The following SLC35F5 variants were observed in gnomAD, a reference collection of about 807,000 sequenced individuals.
SLC35F5 encodes the protein solute carrier family 35 member F5, also known as HCV NS5A-transactivated protein 3.
A neutral mutation model predicts 68.6 loss-of-function variants in SLC35F5; 54 were observed. That is an observed-to-expected ratio of 0.79 (90% CI 0.63 to 0.99). The LOEUF is 0.99. SLC35F5 is among the 50% of genes least tolerant of loss of function. The pLI, the probability that SLC35F5 is intolerant of heterozygous loss-of-function variation, is 0.00. For missense variants in SLC35F5, 567 were observed against 626.9 expected (o/e 0.90, Z 1.02); for synonymous variants, 211 against 205.2 (o/e 1.03, Z -0.24).
intron 8 of SLC35F5, among the ~76,000 whole-genome samples, chr2:113,735,154 T>G (rs1688037911): frequency 1.3e-5 from 2 of 152,140 alleles, no homozygotes; most frequent in Admixed American, 1.3e-4. Context: ...GGAAAGGATG[T>G]GTGAAGGGAA....
At chr2:113,753,806 A>C (rs189777615) in intron 3 of SLC35F5, among the ~76,000 whole-genome samples, 1 of 152,212 alleles carries the variant, frequency 6.6e-6, no homozygotes, top group African/African-American at 2.4e-5. Flanking sequence ...ATTAACTAAT[A>C]TATAAAAACA....
rs1448646974 is a variant in SLC35F5 at position 113,711,008 on chromosome 2, A to T, written c.*4210T>A. ...AAGTAGCTCTTCAGAAAGACATCTC[A>T]TGTAAAATTAAATTTAAAACTAAAA... On this transcript the variant is annotated 3_prime_UTR_variant, in exon 16 of 16. Coordinates refer to ENST00000245680, the MANE Select transcript of SLC35F5 (RefSeq NM_025181.5). 6.6e-6 allele frequency among the ~76,000 whole-genome samples: 1 copy of T among 152,236 alleles called. No homozygotes were observed. Among genetic ancestry groups the T allele is most frequent in the African/African-American group, 2.4e-5 (1 of 41,464 alleles).
In SLC35F5 at chr2:113,746,663, G is replaced by C. The variant is rs142803956; in HGVS notation, c.418-324C>G. 1.2e-4 allele frequency among the ~76,000 whole-genome samples: 18 copies of C among 152,200 alleles called. No individual in the cohort carries two copies. The East Asian group carries it at 3.5e-3, about 29-fold the overall frequency. ...CAGATAAGTAGGGAAAAGAGGGATG[G>C]GTTAGTTAAAAAGGCAAGTAACAGG... On this transcript the variant is annotated intron_variant, in intron 4 of 15. Transcript: ENST00000245680.
rs562424449 is a variant in SLC35F5, at chr2:113,719,276, A to G, written c.1374T>C (p.Ala458=). Residue 458 remains alanine, a synonymous_variant, in exon 14 of 16, where the codon GCT becomes GCC. Transcript: ENST00000245680. ...TAAAAAATGAAAAAAATACAGGGAT[A>G]GCTCCTGCAAAAAATAACCAAGAAA... ...VQFSWLFFAG[A]IPVFFSFFIV... 6.4e-7 allele frequency: 1 copy of G among 1,572,272 alleles called. No homozygotes were observed. Among genetic ancestry groups the G allele is most frequent in the Non-Finnish European group, 8.5e-7 (1 of 1,170,666 alleles).
At chr2:113,737,455 G>A (rs529663119) in intron 7 of SLC35F5, among the ~76,000 whole-genome samples, 14 of 152,310 alleles carry the variant, frequency 9.2e-5, no homozygotes, top group Non-Finnish European at 1.9e-4. Context: ...TATATGGCAA[G>A]AGAAGCCACA....
chr2:113,750,778 G>A (rs1379465401), intron 3 of SLC35F5, among the ~76,000 whole-genome samples: 1 of 152,228 alleles, frequency 6.6e-6, no homozygotes, highest in Non-Finnish European at 1.5e-5. Flanking sequence ...AGCAGCAACA[G>A]CTGCTAAAAG....
rs1004897541 is a variant in SLC35F5, at chr2:113,723,199, A to C, written c.1251-5T>G. On this transcript the variant is annotated splice_polypyrimidine_tract_variant and splice_region_variant and intron_variant, in intron 12 of 15. Transcript: ENST00000245680. ...GATGAGGTAAGAAAGCAGCCCCTAA[A>C]AAAAAGAAAATATACATTTCTATAT... The C allele has an allele frequency of 3.2e-6, 5 of 1,566,350 alleles. No homozygotes were observed. Among genetic ancestry groups the C allele is most frequent in the Middle Eastern group, 3.8e-4 (2 of 5,206 alleles).
intron 11 of SLC35F5, among the ~76,000 whole-genome samples, chr2:113,727,568 C>T (rs983292933): frequency 1.3e-5 from 2 of 152,168 alleles, no homozygotes; most frequent in African/African-American, 4.8e-5. Context: ...CACCTATTCC[C>T]TCGACTGCCC....
In SLC35F5 at chr2:113,750,379, G is replaced by C. The variant is rs180910421; in HGVS notation, c.417+46C>G. ...ATACATCTTTAAACTTTGAAAAAACGTATCTATACCCCCTTCCTAACAGAC... is the reference window on the plus strand; with the variant it reads ...ATACATCTTTAAACTTTGAAAAAACCTATCTATACCCCCTTCCTAACAGAC... On this transcript the variant is annotated intron_variant, in intron 4 of 15. Coordinates refer to ENST00000245680, the MANE Select transcript of SLC35F5 (RefSeq NM_025181.5). 9.0e-5 allele frequency: 133 copies of C among 1,477,580 alleles called. No individual in the cohort carries two copies. The East Asian group carries it at 2.9e-3, about 32-fold the overall frequency. The allele number at this position is 1,477,580 out of a possible 1,614,324, so 91.5% of individuals were successfully genotyped here. A position where few individuals can be genotyped will look rare whatever the true frequency, so the allele number is the denominator to read the frequency against.
intron 13 of SLC35F5, among the ~76,000 whole-genome samples, chr2:113,719,907 A>C (rs1346120913): frequency 6.6e-6 from 1 of 152,066 alleles, no homozygotes; most frequent in Non-Finnish European, 1.5e-5. Context: ...ATTTTTACTA[A>C]GGAATGTTAG....
At chr2:113,734,335 T>C (rs556162115) in intron 9 of SLC35F5, among the ~76,000 whole-genome samples, 13 of 152,300 alleles carry the variant, frequency 8.5e-5, no homozygotes, top group African/African-American at 2.9e-4. Flanking sequence ...GTCCAATACT[T>C]GATGAGTCTG....
downstream of SLC35F5, among the ~76,000 whole-genome samples, chr2:113,706,373 TG>T (rs1285327462): frequency 1.3e-5 from 2 of 152,182 alleles, no homozygotes; most frequent in Admixed American, 6.5e-5. Flanking sequence ...GTGCTTCCTC[TG>T]GGTGACCCTG....
At chr2:113,728,593 T>G (rs1559333000) in intron 11 of SLC35F5, among the ~76,000 whole-genome samples, 1 of 152,216 alleles carries the variant, frequency 6.6e-6, no homozygotes, top group Non-Finnish European at 1.5e-5. Context: ...ACCTATTCCC[T>G]AAATCACAGT....
At chr2:113,735,907 A>G in intron 7 of SLC35F5, 49 bp from the exon 8 acceptor site, 1 of 1,139,598 alleles carries the variant, frequency 8.8e-7, no homozygotes, top group Non-Finnish European at 1.3e-6. Context: ...ACATGTTTAC[A>G]TCTGTCATTA....
At position 113,707,168 on chromosome 2, in the gene SLC35F5, T is replaced by G. The variant is rs914209288; in HGVS notation, c.*8050A>C. 6.9e-6 allele frequency among the ~76,000 whole-genome samples: 1 copy of G among 144,916 alleles called. No homozygotes were observed. Among genetic ancestry groups the G allele is most frequent in the Non-Finnish European group, 1.6e-5 (1 of 64,144 alleles). Reference sequence around the variant, plus strand: ...CAAGAAAAACATTTCTAAAACATTGTTTCCATAACTCATTATAAATATTTC... The same window carrying G: ...CAAGAAAAACATTTCTAAAACATTGGTTCCATAACTCATTATAAATATTTC... On this transcript the variant is annotated 3_prime_UTR_variant, in exon 16 of 16. Coordinates refer to ENST00000245680, the MANE Select transcript of SLC35F5 (RefSeq NM_025181.5).
chr2:113,754,067 G>A (rs4849271), intron 3 of SLC35F5, among the ~76,000 whole-genome samples: 35,526 of 151,850 alleles, frequency 0.23, 4,510 homozygotes, highest in Middle Eastern at 0.49. Context: ...CGAGGCGGGC[G>A]GATCATGAGG....
Position 113,750,442 on chromosome 2 carries a change from C to T in SLC35F5, c.400G>A (p.Gly134Arg), listed in dbSNP as rs375944618. 33 of 1,599,874 alleles carry T rather than the reference C, an allele frequency of 2.1e-5. No individual in the cohort carries two copies. Among genetic ancestry groups the T allele is most frequent in the Admixed American group, 5.2e-5 (3 of 57,436 alleles). The change falls in exon 4 of 16, where the codon GGA (glycine) becomes AGA (arginine). Residue 134 changes from glycine (G) to arginine (R), a missense_variant. Physicochemically the swap from Gly to Arg is moderately radical, Grantham distance 125. Transcript: ENST00000245680. ...WRQQCTRGLR[G>R]KHAAFFADAE... ...AAACTTACAAAAGCAGCATGCTTTC[C>T]GCGAAGTCCTCTTGTACACTGTTGT... is the stretch of plus-strand genomic sequence containing the variant.
rs1042941760 is a variant in SLC35F5, at chr2:113,709,733, G to A, written c.*5485C>T. 7.2e-5 allele frequency among the ~76,000 whole-genome samples: 11 copies of A among 152,250 alleles called. No homozygotes were observed. The highest frequency in any genetic ancestry group is 2.2e-4 in the African/African-American group (9 of 41,542). On this transcript the variant is annotated 3_prime_UTR_variant, in exon 16 of 16. Coordinates refer to ENST00000245680, the MANE Select transcript of SLC35F5 (RefSeq NM_025181.5). Reference sequence around the variant, plus strand: ...CATTACCTGGACGCTTGTTAGAAAGGCAAATTACCAGGCCCACCATCCCCA... The same window carrying A: ...CATTACCTGGACGCTTGTTAGAAAGACAAATTACCAGGCCCACCATCCCCA...
At chr2:113,751,299 T>C (rs1676728066) in intron 3 of SLC35F5, among the ~76,000 whole-genome samples, 1 of 152,178 alleles carries the variant, frequency 6.6e-6, no homozygotes, top group Admixed American at 6.5e-5. Context: ...AAAAGGAGAC[T>C]GACAAATTTC....
Sources: allele counts gnomAD v4.1 joint callset (sites outside exome capture counted in the v4.1 genomes callset), GRCh38; gene constraint gnomAD v4.1.1; transcripts MANE v1.5; gene names NCBI Gene and HGNC (gene_info 2026-07-23, HGNC 2026-07-21).